Variants in BUD13 observed in about 807,000 individuals in gnomAD.
BUD13 encodes the protein BUD13 homolog.
In BUD13, 47 loss-of-function variants were observed where a neutral mutation model predicts 62.5. That is an observed-to-expected ratio of 0.75 (90% CI 0.60 to 0.96). The LOEUF is 0.96. Ranked by LOEUF, BUD13 falls within the 40% of genes least tolerant of loss-of-function variation. The pLI, the probability that BUD13 is intolerant of heterozygous loss-of-function variation, is 0.00. For missense variants in BUD13, 821 were observed against 790.9 expected, an observed-to-expected ratio of 1.04 and a Z score of -0.46; for synonymous variants, 293 against 280.1, an observed-to-expected ratio of 1.05 and a Z score of -0.46.
intron 5 of BUD13, among the ~76,000 whole-genome samples, chr11:116,759,776 C>G (rs1177011192): frequency 1.3e-5 from 2 of 152,176 alleles, no homozygotes; most frequent in Admixed American, 6.5e-5. Context: ...AGAGGTCCAG[C>G]TGAAACAGAG....
intron 4 of BUD13, among the ~76,000 whole-genome samples, chr11:116,762,197 T>C (rs1940442254): frequency 6.6e-6 from 1 of 152,196 alleles, no homozygotes; most frequent in East Asian, 1.9e-4. Flanking sequence ...AGAGCTCAAC[T>C]ATATAAAAAA....
intron 2 of BUD13, 72 bp downstream of exon 2, chr11:116,770,056 CA>C (rs34855544): frequency 0.13 from 105,182 of 839,644 alleles, 283 homozygotes; most frequent in Middle Eastern, 0.15. Context: ...GACTCCGTCT[CA>C]AAAAAAAAAA....
At position 116,763,018 on chromosome 11, in the gene BUD13, T is replaced by C. The variant is rs1413303541; in HGVS notation, c.571A>G (p.Arg191Gly). 6.2e-7 allele frequency: 1 copy of C among 1,613,460 alleles called. No homozygotes were observed. Among genetic ancestry groups the C allele is most frequent in the Non-Finnish European group, 8.5e-7 (1 of 1,179,800 alleles). The change falls in exon 4 of 10, where the codon AGG (arginine) becomes GGG (glycine). Residue 191 changes from arginine to glycine, a missense_variant. By Grantham distance (125) the Arg-to-Gly change is moderately radical. Around this residue, in one of 2 missense-constraint regions of BUD13, gnomAD observed 800 missense variants for 739.2 expected, o/e 1.08. Coordinates refer to ENST00000260210, the MANE Select transcript of BUD13 (RefSeq NM_032725.4). ...TCTGGAGAATCATGACGGGCCCTCC[T>C]TGGGGGTGAAGTGTCTGAGGAGTCA... Reference protein sequence around the residue: ...RHDSSDTSPPRRARHDSPDPS... With the variant: ...RHDSSDTSPPGRARHDSPDPS...
In BUD13 at chr11:116,763,051, T is replaced by C; in HGVS notation, c.538A>G (p.Ile180Val). Residue 180 changes from isoleucine (I) to valine (V), a missense_variant, in exon 4 of 10, where the codon ATC (isoleucine) becomes GTC (valine). Physicochemically the swap from Ile to Val is conservative, Grantham distance 29 (BLOSUM62 3). Coordinates refer to ENST00000260210, the MANE Select transcript of BUD13 (RefSeq NM_032725.4). ...GAAGTGTCTGAGGAGTCATGACGGA[T>C]CCTCCTGGGAGGAGATGTGTCTGAG... is the stretch of plus-strand genomic sequence containing the variant. The part of the protein sequence containing the change: ...HDSDTSPPRR[I>V]RHDSSDTSPP... 6.2e-7 allele frequency: 1 copy of C among 1,611,498 alleles called. No individual in the cohort carries two copies. Among genetic ancestry groups the C allele is most frequent in the Non-Finnish European group, 8.5e-7 (1 of 1,179,346 alleles).
intron 9 of BUD13, 93 bp from the exon 10 acceptor site, chr11:116,748,668 G>C: frequency 7.8e-7 from 1 of 1,279,872 alleles, no homozygotes; most frequent in Admixed American, 1.9e-5. Flanking sequence ...AATGAAAAGG[G>C]GGGAAAGTAA....
intron 9 of BUD13, among the ~76,000 whole-genome samples, chr11:116,751,707 C>G (rs867026090): frequency 9.2e-5 from 14 of 152,060 alleles, no homozygotes; most frequent in African/African-American, 3.1e-4. Context: ...TCCAAAGCAC[C>G]AAGGAAACCA....
intron 9 of BUD13, among the ~76,000 whole-genome samples, chr11:116,752,816 A>T (rs1397012010): frequency 6.6e-6 from 1 of 152,134 alleles, no homozygotes; most frequent in African/African-American, 2.4e-5. Context: ...TTTATTCTGG[A>T]GTTGGGGTCT....
intron 7 of BUD13, 151 bp downstream of exon 7, chr11:116,758,118 C>T (rs1488464318): frequency 1.4e-6 from 2 of 1,396,430 alleles, no homozygotes; most frequent in African/African-American, 2.9e-5. Flanking sequence ...TGGAATATAT[C>T]AATATCCTAG....
At chr11:116,754,675 T>C (rs1478036992) in intron 9 of BUD13, among the ~76,000 whole-genome samples, 1 of 152,160 alleles carries the variant, frequency 6.6e-6, no homozygotes, top group Non-Finnish European at 1.5e-5. Context: ...TTCCTGAGAT[T>C]AGGAACAAAG....
At chr11:116,749,888 T>G (rs1019662172) in intron 9 of BUD13, among the ~76,000 whole-genome samples, 1 of 152,102 alleles carries the variant, frequency 6.6e-6, no homozygotes, top group Middle Eastern at 3.2e-3. Flanking sequence ...TAAGACTAAT[T>G]AGCAGCACTA....
rs1940599886 is a variant in BUD13, at chr11:116,770,220, A to G, written c.146T>C (p.Met49Thr). Residue 49 changes from methionine to threonine, a missense_variant and splice_region_variant, in exon 2 of 10, where the codon ATG becomes ACG. Met to Thr is a moderately conservative substitution (Grantham distance 81, BLOSUM62 -1). Transcript: ENST00000260210. ...PKPGGAGGKG[M>T]RIVDDDVSWT... The stretch of plus-strand genomic sequence containing the variant: ...GCTCACATCATCATCCACAATCCGC[A>G]TTCTAAATGAGAATAAGAAGATCAA... 6.2e-7 allele frequency: 1 copy of G among 1,608,346 alleles called. No homozygotes were observed. Among genetic ancestry groups the G allele is most frequent in the Non-Finnish European group, 8.5e-7 (1 of 1,177,962 alleles).
intron 4 of BUD13, among the ~76,000 whole-genome samples, chr11:116,761,753 A>T (rs189924142): frequency 1.0e-3 from 155 of 152,374 alleles, no homozygotes; most frequent in African/African-American, 3.3e-3. Flanking sequence ...AGAGGGAGTA[A>T]AAAATTTCAC....
intron 2 of BUD13, 146 bp downstream of exon 2, chr11:116,769,983 G>C (rs1275248498): frequency 1.8e-6 from 1 of 546,186 alleles, no homozygotes; most frequent in East Asian, 3.4e-5. Flanking sequence ...TCTGAACCCG[G>C]GAGGCGGAGG....
At chr11:116,764,654 A>G (rs557035659) in intron 3 of BUD13, among the ~76,000 whole-genome samples, 1 of 152,348 alleles carries the variant, frequency 6.6e-6, no homozygotes, top group Non-Finnish European at 1.5e-5. Context: ...TGATTAGGCT[A>G]CAAAAATCAA....
Position 116,763,206 on chromosome 11 carries a change from G to A in BUD13, c.383C>T (p.Pro128Leu). ...HFRHDTPDSS[P>L]RRVRHGTPDP... The stretch of plus-strand genomic sequence containing the variant: ...TGGGGTACCATGACGGACCCTCCTA[G>A]GAGATGAATCCGGGGTATCGTGACG... The change falls in exon 4 of 10, where the codon CCT becomes CTT. Residue 128 changes from proline to leucine, a missense_variant. By Grantham distance (98) the Pro-to-Leu change is moderately conservative. This residue lies in a region of BUD13 where 800 missense variants were observed against 739.2 expected (regional missense o/e 1.08). Transcript: ENST00000260210. 1 of 1,578,868 alleles carries A rather than the reference G, an allele frequency of 6.3e-7. No homozygotes were observed. The highest frequency in any genetic ancestry group is 1.2e-5 in the South Asian group (1 of 85,758).
Position 116,762,817 on chromosome 11 carries a change from A to C in BUD13, c.772T>G (p.Ser258Ala). 6.2e-7 allele frequency: 1 copy of C among 1,611,784 alleles called. No individual in the cohort carries two copies. Among genetic ancestry groups the C allele is most frequent in the East Asian group, 2.2e-5 (1 of 44,680 alleles). The change falls in exon 4 of 10, where the codon TCT becomes GCT. Residue 258 changes from serine (S) to alanine (A), a missense_variant. Around this residue, in one of 2 missense-constraint regions of BUD13, gnomAD observed 800 missense variants for 739.2 expected, o/e 1.08. Coordinates refer to ENST00000260210, the MANE Select transcript of BUD13 (RefSeq NM_032725.4). ...CTTCTGAGTTGCTGTGTGTCTGAAG[A>C]GCCAAGAGTCCTCCTAGATGTGTCA... is the stretch of plus-strand genomic sequence containing the variant. ...SPDTSRRTLG[S>A]SDTQQLRRAR... is the part of the protein sequence containing the mutation.
chr11:116,768,034 C>T (rs992748225), intron 2 of BUD13, among the ~76,000 whole-genome samples: 7 of 151,140 alleles, frequency 4.6e-5, no homozygotes, highest in East Asian at 1.9e-4. Context: ...CTAATATTGA[C>T]GACGTAGGCA....
At chr11:116,770,518 G>A (rs1453363661) in intron 1 of BUD13, among the ~76,000 whole-genome samples, 5 of 147,724 alleles carry the variant, frequency 3.4e-5, no homozygotes, top group Non-Finnish European at 5.9e-5. Flanking sequence ...TTTTTGAGAC[G>A]GAGTCTCGCT....
At chr11:116,767,524 C>T (rs1212982365) in intron 2 of BUD13, among the ~76,000 whole-genome samples, 4 of 131,870 alleles carry the variant, frequency 3.0e-5, no homozygotes, top group South Asian at 5.3e-4. Flanking sequence ...ACCCGGGAGG[C>T]GGAGCTTGCA....
Sources: gnomAD v4.1 joint callset for allele counts (sites outside exome capture counted in the v4.1 genomes callset) on GRCh38, gnomAD v4.1.1 for gene constraint, gnomAD v4.1.1 regional missense constraint, MANE v1.5 for transcripts, NCBI Gene and HGNC (gene_info 2026-07-23, HGNC 2026-07-21) for gene names.